TTC39B: variants seen among roughly 807,000 people sequenced by gnomAD.
TTC39B encodes tetratricopeptide repeat protein 39B.
TTC39B carries 92 observed loss-of-function variants against 96.6 expected under a neutral mutation model. That is an observed-to-expected ratio of 0.95 (90% CI 0.80 to 1.13). The LOEUF (loss-of-function observed/expected upper bound fraction) is 1.13, where lower values mean the gene tolerates loss of function less well. TTC39B is among the 50% of genes most tolerant of loss of function. The pLI is 0.00. For missense variants in TTC39B, 955 were observed against 809.3 expected (o/e 1.18, Z -2.18); for synonymous variants, 367 against 299.4 (o/e 1.23, Z -2.33).
exon 20 of TTC39B, chr9:15,167,028 A>ATATATTTTTTTTT (rs1554758710): frequency 9.1e-5 from 1 of 11,036 alleles, no homozygotes; most frequent in Non-Finnish European, 1.6e-4. Flanking sequence ...ATATATATAT[A>ATATATTTTTTTTT]TTTTTTTTTT....
chr9:15,199,936 T>G lies in TTC39B; in HGVS notation c.760-11A>C. 1 of 1,512,656 alleles carries G rather than the reference T, an allele frequency of 6.6e-7. No homozygotes were observed. The highest frequency in any genetic ancestry group is 9.1e-7 in the Non-Finnish European group (1 of 1,102,010). The allele number at this position is 1,512,656 out of a possible 1,614,324, so 93.7% of individuals were successfully genotyped here. A position where few individuals can be genotyped will look rare whatever the true frequency, so the allele number is the denominator to read the frequency against. ...GATCATATTTTCATCCTGAAAATAA[T>G]TCAGTTAAAAAATTAGATTATTTAG... On this transcript the variant is annotated splice_polypyrimidine_tract_variant and intron_variant, in intron 7 of 19. Transcript: ENST00000512701.
chr9:15,209,080 A>G (rs1820038847), intron 6 of TTC39B, among the ~76,000 whole-genome samples: 1 of 152,200 alleles, frequency 6.6e-6, no homozygotes, highest in Admixed American at 6.5e-5. Context: ...CTCTTCAGAG[A>G]ACATGTTTGA....
intron 1 of TTC39B, among the ~76,000 whole-genome samples, chr9:15,285,804 G>A (rs1435303958): frequency 6.6e-6 from 1 of 152,074 alleles, no homozygotes; most frequent in Admixed American, 6.6e-5. Context: ...GCAGTGAGCC[G>A]AGATCGCGTG....
chr9:15,298,831 G>A (rs1438183640), intron 1 of TTC39B, among the ~76,000 whole-genome samples: 1 of 152,066 alleles, frequency 6.6e-6, no homozygotes, highest in African/African-American at 2.4e-5. Flanking sequence ...CACTCCACCT[G>A]TCCAGAGCAC....
intron 1 of TTC39B, among the ~76,000 whole-genome samples, chr9:15,279,299 T>C (rs548023589): frequency 6.6e-6 from 1 of 152,296 alleles, no homozygotes; most frequent in South Asian, 2.1e-4. Context: ...GTAGCTCTGC[T>C]CCAAAATAAA....
intron 2 of TTC39B, among the ~76,000 whole-genome samples, chr9:15,226,622 G>C (rs1437077647): frequency 6.6e-6 from 1 of 152,090 alleles, no homozygotes; most frequent in African/African-American, 2.4e-5. Flanking sequence ...GAAGGCAATG[G>C]TACTTATTTT....
At chr9:15,288,328 C>T (rs1367809644) in intron 1 of TTC39B, among the ~76,000 whole-genome samples, 1 of 152,192 alleles carries the variant, frequency 6.6e-6, no homozygotes, top group Non-Finnish European at 1.5e-5. Context: ...TTTCGGCCCA[C>T]CACATCCCCT....
intron 1 of TTC39B, among the ~76,000 whole-genome samples, chr9:15,281,044 A>C (rs199597826): frequency 1.3e-5 from 2 of 151,996 alleles, no homozygotes; most frequent in East Asian, 3.8e-4. Flanking sequence ...TTTTGTTTAA[A>C]TCATCAGTCC....
intron 2 of TTC39B, among the ~76,000 whole-genome samples, chr9:15,265,836 G>A (rs1316675009): frequency 6.6e-6 from 1 of 152,110 alleles, no homozygotes; most frequent in South Asian, 2.1e-4. Context: ...CAAATCATGA[G>A]GGGGGAAAAA....
intron 19 of TTC39B, among the ~76,000 whole-genome samples, chr9:15,172,904 A>G (rs1281332046): frequency 2.0e-5 from 3 of 152,174 alleles, no homozygotes; most frequent in African/African-American, 7.2e-5. Context: ...ACTAAAATCA[A>G]TATGTTACTG....
intron 1 of TTC39B, among the ~76,000 whole-genome samples, chr9:15,279,232 C>T (rs1456826036): frequency 6.6e-6 from 1 of 152,212 alleles, no homozygotes; most frequent in Non-Finnish European, 1.5e-5. Context: ...GATCTTGCTC[C>T]ACCCTTGAAC....
chr9:15,179,983 C>G (rs1818160884), intron 17 of TTC39B, among the ~76,000 whole-genome samples: 1 of 152,178 alleles, frequency 6.6e-6, no homozygotes, highest in South Asian at 2.1e-4. Flanking sequence ...AGTATAAATG[C>G]TTTGTCATGA....
At chr9:15,182,342 G>A (rs766576432) in exon 17 of TTC39B, 4 of 1,611,774 alleles carry the variant, frequency 2.5e-6, no homozygotes, top group Non-Finnish European at 3.4e-6. Flanking sequence ...TTTTTCAACA[G>A]TTACTAACAG....
intron 1 of TTC39B, among the ~76,000 whole-genome samples, chr9:15,268,513 C>G (rs1175792679): frequency 6.6e-6 from 1 of 152,152 alleles, no homozygotes. Flanking sequence ...GAAGACCACA[C>G]ACACACTCCA....
chr9:15,223,678 C>A (rs1310447481), intron 3 of TTC39B, among the ~76,000 whole-genome samples: 2 of 152,156 alleles, frequency 1.3e-5, no homozygotes, highest in African/African-American at 4.8e-5. Context: ...ATTAGAAGAC[C>A]TATCAATTAA....
At chr9:15,280,867 C>T (rs1007847794) in intron 1 of TTC39B, among the ~76,000 whole-genome samples, 32 of 152,164 alleles carry the variant, frequency 2.1e-4, no homozygotes, top group African/African-American at 7.5e-4. Flanking sequence ...TCTCAGGGCT[C>T]CCCCTACCAT....
In TTC39B at chr9:15,213,799, T is replaced by C. The variant is rs188228991; in HGVS notation, c.482+340A>G. The stretch of plus-strand genomic sequence containing the variant: ...ATATTCTGGTTTTTCCCCTCCCCAT[T>C]TCAAAGGAAAATTTTCTCAATAATA... On this transcript the variant is annotated intron_variant, in intron 4 of 19. Transcript: ENST00000512701. Among the ~76,000 whole-genome samples, 51 of 152,278 alleles carry C rather than the reference T, an allele frequency of 3.3e-4. No homozygotes were observed. In the East Asian group the frequency reaches 9.6e-3, roughly 29 times the overall value.
intron 8 of TTC39B, among the ~76,000 whole-genome samples, chr9:15,199,105 GC>G (rs1202188157): frequency 1.3e-5 from 2 of 152,156 alleles, no homozygotes; most frequent in South Asian, 4.1e-4. Context: ...CAAACTTAGA[GC>G]CTTTAACACT....
At chr9:15,211,772 GA>G (rs1820215887) in intron 4 of TTC39B, among the ~76,000 whole-genome samples, 1 of 152,192 alleles carries the variant, frequency 6.6e-6, no homozygotes, top group South Asian at 2.1e-4. Context: ...TTTTGACAGA[GA>G]GATTCTGATA....
Sources: gnomAD v4.1 joint callset for allele counts (sites outside exome capture counted in the v4.1 genomes callset) on GRCh38, gnomAD v4.1.1 for gene constraint, MANE v1.5 for transcripts, NCBI Gene and HGNC (gene_info 2026-07-23, HGNC 2026-07-21) for gene names.